The following MYO9A variants were observed in gnomAD, a reference collection of about 807,000 sequenced individuals.
MYO9A encodes unconventional myosin-IXa.
A neutral mutation model predicts 293.3 loss-of-function variants in MYO9A; 103 were observed. The observed-to-expected ratio is 0.35, with a 90% confidence interval of 0.30 to 0.41. The LOEUF is 0.41. Ranked by LOEUF, MYO9A falls within the 10% of genes least tolerant of loss-of-function variation. The pLI is 1.00. For synonymous variants in MYO9A, 1,001 were observed against 1,035.7 expected, an observed-to-expected ratio of 0.97 and a Z score of 0.64; for missense variants, 2,685 against 3,033.0, an observed-to-expected ratio of 0.89 and a Z score of 2.69.
chr15:72,050,160 G>GC lies in MYO9A; in HGVS notation c.-71-3527_-71-3526insG, dbSNP rs764767521. ...ACTGCTTTGTGGGTTTTTTTGTTTT[G>GC]TTTTTTTTTTTACAAAAAGGAGGGT... On this transcript the variant is annotated intron_variant, in intron 1 of 41. Transcript: ENST00000356056. 2.7e-3 allele frequency among the ~76,000 whole-genome samples: 387 copies of GC among 141,044 alleles called. 1 individual carries two copies. The highest frequency in any genetic ancestry group is 4.4e-3 in the Non-Finnish European group (284 of 64,288). 92.5% of individuals were successfully genotyped at this position (141,044 alleles called of 152,430 possible). A position where few individuals can be genotyped will look rare whatever the true frequency, so the allele number is the denominator to read the frequency against.
At chr15:71,906,184 C>T (rs1213521993) in intron 19 of MYO9A, among the ~76,000 whole-genome samples, 3 of 152,096 alleles carry the variant, frequency 2.0e-5, no homozygotes, top group African/African-American at 7.2e-5. Flanking sequence ...ATAAATACAA[C>T]ATTTTGTATG....
intron 37 of MYO9A, among the ~76,000 whole-genome samples, chr15:71,850,728 T>C (rs2055599340): frequency 1.6e-5 from 2 of 125,438 alleles, no homozygotes; most frequent in Middle Eastern, 5.4e-3. Context: ...ATTGCGTCAC[T>C]GCACTCCGGC....
At chr15:71,914,288 G>A (rs183712415) in intron 19 of MYO9A, among the ~76,000 whole-genome samples, 84 of 152,216 alleles carry the variant, frequency 5.5e-4, no homozygotes, top group African/African-American at 1.2e-3. Context: ...TTGGAGTCCC[G>A]TAATGCTTAC....
At chr15:71,934,485 G>A (rs2058570239) in intron 17 of MYO9A, among the ~76,000 whole-genome samples, 1 of 152,114 alleles carries the variant, frequency 6.6e-6, no homozygotes, top group Non-Finnish European at 1.5e-5. Context: ...TTATTAAGCA[G>A]TGATTCAGAC....
intron 11 of MYO9A, among the ~76,000 whole-genome samples, chr15:71,983,443 TTAAA>T (rs1364204572): frequency 6.6e-6 from 1 of 151,168 alleles, no homozygotes; most frequent in Admixed American, 6.6e-5. Context: ...CATTTAAACA[TTAAA>T]TAGTTTTTTA....
intron 32 of MYO9A, among the ~76,000 whole-genome samples, chr15:71,867,131 T>C (rs540268421): frequency 5.8e-4 from 88 of 150,940 alleles, no homozygotes; most frequent in African/African-American, 2.1e-3. Context: ...ATTTAGAATG[T>C]AAAAAGGGTG....
chr15:72,106,973 T>C (rs1385721237), intron 1 of MYO9A, among the ~76,000 whole-genome samples: 1 of 152,206 alleles, frequency 6.6e-6, no homozygotes, highest in Non-Finnish European at 1.5e-5. Flanking sequence ...CTGAGCAGTT[T>C]CATTTATTTT....
chr15:71,947,104 G>C (rs139910917), intron 15 of MYO9A, among the ~76,000 whole-genome samples: 1 of 151,866 alleles, frequency 6.6e-6, no homozygotes, highest in East Asian at 1.9e-4. Context: ...GTGACAGAAC[G>C]AGCTCCTATC....
chr15:71,958,024 A>G (rs1376616841), intron 14 of MYO9A, among the ~76,000 whole-genome samples: 18 of 152,170 alleles, frequency 1.2e-4, no homozygotes, highest in Admixed American at 8.5e-4. Context: ...ACAATTAACT[A>G]AGAGTCCACT....
chr15:71,958,405 G>C (rs1165126921), intron 14 of MYO9A: 2 of 152,124 alleles, frequency 1.3e-5, no homozygotes, highest in African/African-American at 4.8e-5. Context: ...TAAAACGTTA[G>C]GGTGAATGCT....
At chr15:71,841,819 G>GTTTTTTTTTGT (rs904083246) in intron 39 of MYO9A, among the ~76,000 whole-genome samples, 4 of 141,610 alleles carry the variant, frequency 2.8e-5, no homozygotes, top group African/African-American at 1.1e-4. Flanking sequence ...TGTTTTTTTT[G>GTTTTTTTTTGT]TTTTTTTTGT....
intron 1 of MYO9A, among the ~76,000 whole-genome samples, chr15:72,109,201 TAACACCGTGA>T (rs1298936694): frequency 1.3e-5 from 2 of 151,696 alleles, no homozygotes; most frequent in African/African-American, 4.8e-5. Flanking sequence ...CCATCCTGAC[TAACACCGTGA>T]AACGCCACCT....
chr15:71,897,526 G>A lies in MYO9A; in HGVS notation c.4977C>T (p.Asp1659=). 2 of 1,614,012 alleles carry A rather than the reference G, an allele frequency of 1.2e-6. No individual in the cohort carries two copies. The highest frequency in any genetic ancestry group is 1.3e-5 in the African/African-American group (1 of 75,040). The change falls in exon 25 of 42, where the codon GAC becomes GAT. Residue 1659 remains aspartate (D), a synonymous_variant. Coordinates refer to ENST00000356056, the MANE Select transcript of MYO9A (RefSeq NM_006901.4). ...GCCTAGCATTTCCCTCTCTGGAAAGGTCATCAGAATTGTGGCTGTAAGACT... is the reference window on the plus strand; with the variant it reads ...GCCTAGCATTTCCCTCTCTGGAAAGATCATCAGAATTGTGGCTGTAAGACT... ...PTQSYSHNSD[D]LSREGNARPI...
chr15:71,926,839 CAAAG>C (rs1196380194), intron 18 of MYO9A, among the ~76,000 whole-genome samples: 2 of 152,154 alleles, frequency 1.3e-5, no homozygotes, highest in Non-Finnish European at 2.9e-5. Flanking sequence ...GGTACACATG[CAAAG>C]CATAGTGGTT....
chr15:71,827,937 T>C lies in MYO9A; in HGVS notation c.7130A>G (p.Asp2377Gly). 6.2e-7 allele frequency: 1 copy of C among 1,613,908 alleles called. No homozygotes were observed. The highest frequency in any genetic ancestry group is 8.5e-7 in the Non-Finnish European group (1 of 1,179,848). Residue 2377 changes from aspartate (D) to glycine (G), a missense_variant, in exon 41 of 42, where the codon GAT becomes GGT. Transcript: ENST00000356056. ...CTCCATATTCAAATTCTCTGAGCTA[T>C]CAGCAGTCCCAATGGAGGCCTCAGA... is the stretch of plus-strand genomic sequence containing the variant. Reference protein sequence around the residue: ...LESEASIGTADSSENLNMESE... With the variant: ...LESEASIGTAGSSENLNMESE...
chr15:72,073,566 C>T (rs571184328), intron 1 of MYO9A, among the ~76,000 whole-genome samples: 19 of 152,282 alleles, frequency 1.2e-4, no homozygotes, highest in African/African-American at 4.6e-4. Context: ...TGAACAAATA[C>T]ATACCTATAG....
At chr15:72,109,249 G>A (rs1256576341) in intron 1 of MYO9A, among the ~76,000 whole-genome samples, 1 of 151,928 alleles carries the variant, frequency 6.6e-6, no homozygotes, top group Admixed American at 6.6e-5. Context: ...AATTAGCCAG[G>A]CGTGGTGGCG....
chr15:72,071,405 C>A (rs1339313043), intron 1 of MYO9A, among the ~76,000 whole-genome samples: 1 of 152,044 alleles, frequency 6.6e-6, no homozygotes, highest in Non-Finnish European at 1.5e-5. Context: ...GAGATGTTGG[C>A]AAGTATGTGG....
At chr15:72,007,791 G>C (rs1377212707) in intron 8 of MYO9A, 35 bp downstream of exon 8, 3 of 1,590,768 alleles carry the variant, frequency 1.9e-6, no homozygotes, top group African/African-American at 2.7e-5. Flanking sequence ...AAGTTACAAA[G>C]ATTTGAAATG....
Sources: gnomAD v4.1 joint callset for allele counts (sites outside exome capture counted in the v4.1 genomes callset) on GRCh38, gnomAD v4.1.1 for gene constraint, MANE v1.5 for transcripts, NCBI Gene and HGNC (gene_info 2026-07-23, HGNC 2026-07-21) for gene names.